The following FKBP15 variants were observed in gnomAD, a reference collection of about 807,000 sequenced individuals.
FKBP15 encodes FKBP prolyl isomerase family member 15.
FKBP15 carries 106 observed loss-of-function variants against 158.1 expected under a neutral mutation model. That is an observed-to-expected ratio of 0.67 (90% CI 0.57 to 0.79). The LOEUF is 0.79. Ranked by LOEUF, FKBP15 falls within the 30% of genes least tolerant of loss-of-function variation. FKBP15 has a pLI of 0.00. For missense variants in FKBP15, 1,287 were observed against 1,479.1 expected (o/e 0.87, Z 2.13); for synonymous variants, 547 against 548.6 (o/e 1.00, Z 0.04).
Position 113,169,578 on chromosome 9 carries a change from A to G in FKBP15, c.3131T>C (p.Ile1044Thr). The change falls in exon 26 of 28, where the codon ATT (isoleucine) becomes ACT (threonine). Residue 1044 changes from isoleucine to threonine, a missense_variant. Coordinates refer to ENST00000238256, the MANE Select transcript of FKBP15 (RefSeq NM_015258.2). The stretch of plus-strand genomic sequence containing the variant: ...TACAGGGCCTAGGGGCTCAGGTGGA[A>G]TTGAAGTCGGGGGCCCTAGAACTCT... ...SHRVLGPPTSIPPEPLGPVSM... is the reference protein window; with the variant it reads ...SHRVLGPPTSTPPEPLGPVSM... The G allele has an allele frequency of 1.2e-6, 2 of 1,614,040 alleles. No individual in the cohort carries two copies. The highest frequency in any genetic ancestry group is 1.7e-6 in the Non-Finnish European group (2 of 1,179,896).
At chr9:113,203,072 A>G (rs1174130750) in intron 4 of FKBP15, 37 bp from the exon 5 acceptor site, 3 of 1,342,890 alleles carry the variant, frequency 2.2e-6, no homozygotes, top group South Asian at 1.3e-5. Context: ...AAAAAAAAAG[A>G]GAGACAGCAG....
rs10539484 is a variant in FKBP15, at chr9:113,218,377, TTATATATATATATATATATATATATATA to T, written c.53+2786_53+2813del. ...ACCTCATAGAGAGGAGTAAATACAA[TTATATATATATATATATATATATATATA>T]TATATATACATTTCTCATTTGTAAA... On this transcript the variant is annotated intron_variant, in intron 1 of 27. Transcript: ENST00000238256. Among the ~76,000 whole-genome samples the T allele has an allele frequency of 2.5e-4, 25 of 101,500 alleles. No individual in the cohort carries two copies. The East Asian group carries it at 5.9e-3, about 24-fold the overall frequency. 66.6% of individuals were successfully genotyped at this position (101,500 alleles called of 152,430 possible). A position where few individuals can be genotyped will look rare whatever the true frequency, so the allele number is the denominator to read the frequency against.
intron 18 of FKBP15, among the ~76,000 whole-genome samples, chr9:113,183,302 C>T (rs1830432764): frequency 2.0e-5 from 3 of 152,026 alleles, no homozygotes; most frequent in African/African-American, 7.2e-5. Flanking sequence ...CCCCACCCAC[C>T]CCTCCAAATC....
intron 19 of FKBP15, among the ~76,000 whole-genome samples, chr9:113,181,146 C>T (rs1407270744): frequency 2.0e-5 from 3 of 152,166 alleles, no homozygotes; most frequent in Non-Finnish European, 4.4e-5. Context: ...ATCTATAACA[C>T]AGTGGGTTGT....
At chr9:113,172,248 C>T (rs1209179982) in intron 23 of FKBP15, among the ~76,000 whole-genome samples, 1 of 152,046 alleles carries the variant, frequency 6.6e-6, no homozygotes, top group African/African-American at 2.4e-5. Flanking sequence ...CAGTCTATCA[C>T]TGATGGACAT....
intron 2 of FKBP15, 60 bp from the exon 3 acceptor site, chr9:113,207,356 T>A: frequency 1.5e-6 from 2 of 1,345,826 alleles, no homozygotes; most frequent in South Asian, 1.2e-5. Context: ...TAATTTTTTT[T>A]AAAGACGGAG....
intron 1 of FKBP15, 149 bp downstream of exon 1, chr9:113,221,042 C>A (rs887198392): frequency 3.6e-6 from 3 of 842,418 alleles, no homozygotes; most frequent in Non-Finnish European, 5.4e-6. Flanking sequence ...CAAGTTCTGC[C>A]CAGATTCTGA....
At chr9:113,211,136 G>A (rs1178964596) in intron 2 of FKBP15, among the ~76,000 whole-genome samples, 8 of 152,262 alleles carry the variant, frequency 5.3e-5, no homozygotes, top group Middle Eastern at 3.4e-3. Flanking sequence ...TCCCTCTAGA[G>A]AACCCTAATA....
intron 12 of FKBP15, 92 bp downstream of exon 12, chr9:113,190,379 C>G: frequency 2.0e-6 from 2 of 1,023,060 alleles, no homozygotes; most frequent in Non-Finnish European, 3.0e-6. Flanking sequence ...AATGATTCTG[C>G]CTTAGAGAAA....
intron 6 of FKBP15, 91 bp from the exon 7 acceptor site, chr9:113,200,054 A>G: frequency 7.4e-7 from 1 of 1,354,584 alleles, no homozygotes. Context: ...AAATAGCTTC[A>G]TCCACTAACA....
chr9:113,167,103 A>G (rs1830111030), intron 27 of FKBP15, among the ~76,000 whole-genome samples: 1 of 152,258 alleles, frequency 6.6e-6, no homozygotes, highest in African/African-American at 2.4e-5. Context: ...CTCTGACAGT[A>G]TAGGATTTTC....
intron 9 of FKBP15, 137 bp from the exon 10 acceptor site, chr9:113,194,306 A>AC (rs2118910382): frequency 1.7e-6 from 1 of 573,078 alleles, no homozygotes; most frequent in East Asian, 3.3e-5. Context: ...TGGGAGATAT[A>AC]CCTAATGCTA....
At chr9:113,215,449 T>A (rs1214104485) in intron 1 of FKBP15, among the ~76,000 whole-genome samples, 2 of 151,594 alleles carry the variant, frequency 1.3e-5, no homozygotes, top group African/African-American at 4.8e-5. Flanking sequence ...AAGTTCACTA[T>A]TTTATGTGAG....
At chr9:113,194,272 G>C (rs1343392809) in intron 9 of FKBP15, 103 bp from the exon 10 acceptor site, 3 of 871,806 alleles carry the variant, frequency 3.4e-6, no homozygotes, top group African/African-American at 1.7e-5. Context: ...GTTGTCGGGT[G>C]GGGGTAGAGG....
In FKBP15 at chr9:113,164,090, G is replaced by GAATT. The variant is rs1292397070; in HGVS notation, c.*1984_*1987dup. The GAATT allele has an allele frequency of 7.3e-6, 1 of 136,650 alleles. No homozygotes were observed. Among genetic ancestry groups the GAATT allele is most frequent in the Non-Finnish European group, 1.7e-5 (1 of 60,414 alleles). 8.5% of individuals were successfully genotyped at this position (136,650 alleles called of 1,614,324 possible). On this transcript the variant is annotated 3_prime_UTR_variant, in exon 28 of 28. Coordinates refer to ENST00000238256, the MANE Select transcript of FKBP15 (RefSeq NM_015258.2). ...ATGAAAAGATGGTTGTAAGCTTTGG[G>GAATT]AATTAAAAACAAACAAATACATTTT...
chr9:113,177,026 C>T (rs750607369), intron 20 of FKBP15, among the ~76,000 whole-genome samples: 11 of 152,304 alleles, frequency 7.2e-5, no homozygotes, highest in Middle Eastern at 6.8e-3. Flanking sequence ...TTTGTCAAGC[C>T]GTCAGCTGAC....
intron 5 of FKBP15, 92 bp downstream of exon 5, chr9:113,202,869 G>T: frequency 9.4e-7 from 1 of 1,069,414 alleles, no homozygotes; most frequent in Non-Finnish European, 1.4e-6. Context: ...GGCTGAACCA[G>T]TGGATCTAAT....
At chr9:113,193,665 A>C in intron 10 of FKBP15, 116 bp from the exon 11 acceptor site, 1 of 848,228 alleles carries the variant, frequency 1.2e-6, no homozygotes. Context: ...ATGACTGTAA[A>C]ACAGAATTTT....
chr9:113,210,188 C>T (rs1166692212), intron 2 of FKBP15, among the ~76,000 whole-genome samples: 1 of 152,154 alleles, frequency 6.6e-6, no homozygotes, highest in African/African-American at 2.4e-5. Flanking sequence ...AAATCAGGAT[C>T]CCAGATCTTA....
Sources: allele counts gnomAD v4.1 joint callset (sites outside exome capture counted in the v4.1 genomes callset), GRCh38; gene constraint gnomAD v4.1.1; transcripts MANE v1.5; gene names NCBI Gene and HGNC (gene_info 2026-07-23, HGNC 2026-07-21).